FBXL18: variants seen among roughly 807,000 people sequenced by gnomAD.
FBXL18 encodes F-box and leucine rich repeat protein 18.
Under a neutral mutation model 46.0 loss-of-function variants are expected in FBXL18, and 36 were observed. The ratio of observed to expected loss-of-function variants is 0.78; its 90% CI spans 0.60 to 1.03. FBXL18 has a LOEUF of 1.03. FBXL18 is among the 50% of genes least tolerant of loss of function. FBXL18 has a pLI of 0.00. For missense variants in FBXL18, 977 were observed against 1,004.1 expected, an observed-to-expected ratio of 0.97 and a Z score of 0.36; for synonymous variants, 557 against 465.3, an observed-to-expected ratio of 1.20 and a Z score of -2.54.
intron 4 of FBXL18, among the ~76,000 whole-genome samples, chr7:5,462,469 G>C (rs1783261254): frequency 6.6e-6 from 1 of 152,060 alleles, no homozygotes; most frequent in Non-Finnish European, 1.5e-5. Flanking sequence ...CAGTCACTAT[G>C]TCACAAGCCA....
intron 4 of FBXL18, among the ~76,000 whole-genome samples, chr7:5,463,716 A>ATTTTT: frequency 1.6e-5 from 1 of 61,418 alleles, no homozygotes. Context: ...TTATTTATTT[A>ATTTTT]TTTATTTATT....
intron 4 of FBXL18, among the ~76,000 whole-genome samples, chr7:5,490,701 A>G (rs1430267670): frequency 6.6e-6 from 1 of 152,254 alleles, no homozygotes; most frequent in African/African-American, 2.4e-5. Flanking sequence ...GCGGTGGCTC[A>G]TGCCTGTAAT....
At chr7:5,463,702 A>ATATATATATATATATATT (rs1479898344) in intron 4 of FBXL18, among the ~76,000 whole-genome samples, 3 of 69,030 alleles carry the variant, frequency 4.3e-5, no homozygotes, top group Admixed American at 1.8e-4. Flanking sequence ...AACTATATAT[A>ATATATATATATATATATT]TATTTATTTA....
chr7:5,490,639 CA>C (rs1047962547), intron 4 of FBXL18, among the ~76,000 whole-genome samples: 1 of 152,210 alleles, frequency 6.6e-6, no homozygotes, highest in African/African-American at 2.4e-5. Context: ...TAGATCCAAA[CA>C]ACGGGCAGAG....
intron 4 of FBXL18, chr7:5,490,280 CAG>C: frequency 8.0e-7 from 1 of 1,248,216 alleles, no homozygotes; most frequent in Non-Finnish European, 1.0e-6. Flanking sequence ...ACGCCTCTCT[CAG>C]GAGCCCTGAT....
chr7:5,458,826 T>C (rs573271759), intron 4 of FBXL18, among the ~76,000 whole-genome samples: 30 of 152,218 alleles, frequency 2.0e-4, no homozygotes, highest in African/African-American at 7.0e-4. Context: ...ATGTCAACGC[T>C]GGCTGCTGGG....
intron 4 of FBXL18, among the ~76,000 whole-genome samples, chr7:5,459,679 G>A (rs1270047571): frequency 6.6e-6 from 1 of 151,612 alleles, no homozygotes; most frequent in Non-Finnish European, 1.5e-5. Flanking sequence ...GGCAGAGCTT[G>A]CAGTGAGCAG....
chr7:5,473,760 CAAAAA>C (rs1195674210), downstream of FBXL18, among the ~76,000 whole-genome samples: 1 of 58,128 alleles, frequency 1.7e-5, no homozygotes, highest in Non-Finnish European at 3.6e-5. Flanking sequence ...GACTCCATCT[CAAAAA>C]AAAAAAAAAA....
At chr7:5,458,638 A>G (rs1364053266) in intron 4 of FBXL18, among the ~76,000 whole-genome samples, 1 of 151,942 alleles carries the variant, frequency 6.6e-6, no homozygotes, top group Admixed American at 6.6e-5. Context: ...CAGAGGTTGC[A>G]GTGAGCCAAG....
At chr7:5,505,323 G>C in intron 2 of FBXL18, 89 bp downstream of exon 2, 1 of 1,236,266 alleles carries the variant, frequency 8.1e-7, no homozygotes. Context: ...CTTTATATCA[G>C]CACACAGGGT....
At chr7:5,458,236 T>G in intron 4 of FBXL18, among the ~76,000 whole-genome samples, 1 of 152,056 alleles carries the variant, frequency 6.6e-6, no homozygotes, top group East Asian at 1.9e-4. Flanking sequence ...ACACTGTCCG[T>G]CAATAAAACC....
At chr7:5,506,054 C>T (rs1210054888) in intron 1 of FBXL18, among the ~76,000 whole-genome samples, 3 of 151,872 alleles carry the variant, frequency 2.0e-5, no homozygotes, top group Non-Finnish European at 2.9e-5. Context: ...TTTGTAGAGA[C>T]GGGGTTTCCC....
chr7:5,510,555 G>A (rs2128239296), intron 1 of FBXL18, among the ~76,000 whole-genome samples: 1 of 151,688 alleles, frequency 6.6e-6, no homozygotes, highest in East Asian at 1.9e-4. Flanking sequence ...GGTGGCACGT[G>A]CCTATAGTCA....
At chr7:5,509,241 G>A (rs1315434987) in intron 1 of FBXL18, among the ~76,000 whole-genome samples, 5 of 147,042 alleles carry the variant, frequency 3.4e-5, no homozygotes, top group African/African-American at 7.5e-5. Flanking sequence ...ACAGTTACAC[G>A]ACCACACTGA....
At chr7:5,465,477 TTGAC>T (rs1783328155) in intron 4 of FBXL18, among the ~76,000 whole-genome samples, 1 of 151,992 alleles carries the variant, frequency 6.6e-6, no homozygotes, top group African/African-American at 2.4e-5. Context: ...GACTGATTGA[TTGAC>T]TGATTGATTG....
rs572759535 is a variant in FBXL18 at position 5,477,617 on chromosome 7, G to A, written c.*4158C>T. On this transcript the variant is annotated 3_prime_UTR_variant, in exon 5 of 5. Transcript: ENST00000382368. The surrounding 1 kb of genome is among the most constrained non-coding windows in gnomAD (Gnocchi z 4.4). ...CTCAGGAGGCTGATGTGGGAGAATC[G>A]CTTGAACCTGTGAGGTGGAGGTTGT... Among the ~76,000 whole-genome samples the A allele has an allele frequency of 4.3e-3, 648 of 151,946 alleles. 3 individuals are homozygous for A. Among genetic ancestry groups the A allele is most frequent in the Non-Finnish European group, 7.3e-3 (497 of 67,968 alleles).
At chr7:5,459,753 A>C (rs1783218186) in intron 4 of FBXL18, among the ~76,000 whole-genome samples, 1 of 150,340 alleles carries the variant, frequency 6.7e-6, no homozygotes, top group African/African-American at 2.4e-5. Flanking sequence ...AAAAAAAAAA[A>C]ATACAAAAAA....
At chr7:5,508,176 G>C (rs753153068) in intron 1 of FBXL18, among the ~76,000 whole-genome samples, 1 of 151,456 alleles carries the variant, frequency 6.6e-6, no homozygotes, top group Non-Finnish European at 1.5e-5. Context: ...CAAGGCAGAA[G>C]AATCACTTGA....
chr7:5,502,576 A>C (rs1301578360), intron 2 of FBXL18, among the ~76,000 whole-genome samples: 1 of 151,718 alleles, frequency 6.6e-6, no homozygotes, highest in East Asian at 1.9e-4. Flanking sequence ...CACGCCTGGA[A>C]TCCCAGCACT....
Sources: gnomAD v4.1 joint callset for allele counts (sites outside exome capture counted in the v4.1 genomes callset) on GRCh38, gnomAD v4.1.1 for gene constraint, Gnocchi (gnomAD v3.1) non-coding constraint, MANE v1.5 for transcripts, NCBI Gene and HGNC (gene_info 2026-07-23, HGNC 2026-07-21) for gene names.